The following UNC5C variants were observed in gnomAD, a reference collection of about 807,000 sequenced individuals.
UNC5C encodes unc-5 netrin receptor C, also known as netrin receptor UNC5C.
UNC5C carries 47 observed loss-of-function variants against 99.8 expected under a neutral mutation model. That is an observed-to-expected ratio of 0.47 (90% confidence interval 0.37 to 0.60). The LOEUF (loss-of-function observed/expected upper bound fraction) is 0.60, where lower values mean the gene tolerates loss of function less well. Ranked by LOEUF, UNC5C falls within the 20% of genes least tolerant of loss-of-function variation. The probability of loss-of-function intolerance (pLI) is 0.00; values close to 1 mark genes in which losing one functional copy is unlikely to be tolerated. For missense variants in UNC5C, 1,062 were observed against 1,165.9 expected (o/e 0.91, Z 1.30); for synonymous variants, 487 against 452.2 (o/e 1.08, Z -0.98).
intron 1 of UNC5C, among the ~76,000 whole-genome samples, chr4:95,511,483 T>C (rs973213700): frequency 4.6e-5 from 7 of 152,108 alleles, no homozygotes; most frequent in African/African-American, 1.7e-4. Context: ...TCCAACATAA[T>C]TAAATTACAT....
chr4:95,228,247 G>C lies in UNC5C; in HGVS notation c.1109-8071C>G, dbSNP rs114653784. ...AACAGCAACTACTTTTATTTTTCTA[G>C]CCTTTTCAAATTTTTTCTTTCCAAG... On this transcript the variant is annotated intron_variant, in intron 7 of 15. Transcript: ENST00000453304. Among the ~76,000 whole-genome samples the C allele has an allele frequency of 5.1e-3, 773 of 152,048 alleles. 10 individuals carry two copies. The highest frequency in any genetic ancestry group is 0.016 in the African/African-American group (671 of 41,462).
At chr4:95,262,432 G>A (rs12649047) in intron 4 of UNC5C, among the ~76,000 whole-genome samples, 60,566 of 152,056 alleles carry the variant, frequency 0.4, 13,920 homozygotes, top group Middle Eastern at 0.53. Context: ...CATTATAAAT[G>A]ACAGATAGAA....
At chr4:95,248,237 A>G in intron 5 of UNC5C, 1 of 246,806 alleles carries the variant, frequency 4.1e-6, no homozygotes, top group Non-Finnish European at 8.0e-6. Context: ...GGGCCTAAGA[A>G]TTAAATTGGT....
chr4:95,188,792 G>A (rs560141014), intron 12 of UNC5C, among the ~76,000 whole-genome samples: 3 of 152,230 alleles, frequency 2.0e-5, no homozygotes, highest in South Asian at 2.1e-4. Flanking sequence ...AGTGAGACAC[G>A]TTAGGCTGCC....
At chr4:95,286,778 G>C (rs368998538) in intron 3 of UNC5C, among the ~76,000 whole-genome samples, 1 of 152,092 alleles carries the variant, frequency 6.6e-6, no homozygotes, top group African/African-American at 2.4e-5. Context: ...ACTTAGCTCC[G>C]GCTGCATGGT....
Position 95,335,468 on chromosome 4 carries a change from A to G in UNC5C, c.288T>C (p.Asn96=), listed in dbSNP as rs1743298640. The change falls in exon 2 of 16, where the codon AAT becomes AAC. Residue 96 remains asparagine (N), a synonymous_variant. Transcript: ENST00000453304. ...SPATQIYFKC[N]SEWVHQKDHI... ...GGTCCTTCTGATGAACCCATTCACT[A>G]TTACACTTGAAATAGATCTGGGTGG... 1.9e-6 allele frequency: 3 copies of G among 1,612,300 alleles called. No homozygotes were observed. The South Asian group carries it at 3.3e-5, about 18-fold the overall frequency.
intron 7 of UNC5C, among the ~76,000 whole-genome samples, chr4:95,234,203 G>A (rs1363396113): frequency 1.3e-5 from 2 of 151,974 alleles, no homozygotes; most frequent in Non-Finnish European, 2.9e-5. Context: ...CATCAGTTTA[G>A]GGATGATATA....
intron 1 of UNC5C, among the ~76,000 whole-genome samples, chr4:95,439,400 T>G (rs1746885665): frequency 6.6e-6 from 1 of 151,376 alleles, no homozygotes; most frequent in African/African-American, 2.4e-5. Context: ...TTTTTTTGTT[T>G]CCTCTTCTCC....
chr4:95,386,594 G>A (rs1345767055), intron 1 of UNC5C, among the ~76,000 whole-genome samples: 2 of 152,154 alleles, frequency 1.3e-5, no homozygotes, highest in Non-Finnish European at 2.9e-5. Flanking sequence ...GAAGCCTTCT[G>A]TTCCTCTCTA....
intron 1 of UNC5C, among the ~76,000 whole-genome samples, chr4:95,392,770 A>T (rs1016545364): frequency 2.0e-5 from 3 of 152,136 alleles, no homozygotes; most frequent in Non-Finnish European, 4.4e-5. Context: ...CTATTCCACT[A>T]CAGAAATCTT....
At chr4:95,358,215 T>A (rs999440554) in intron 1 of UNC5C, among the ~76,000 whole-genome samples, 14 of 152,232 alleles carry the variant, frequency 9.2e-5, no homozygotes, top group Non-Finnish European at 1.6e-4. Flanking sequence ...ATTAATGCAG[T>A]TTCTACCTTT....
At chr4:95,337,678 G>T (rs1743402461) in intron 1 of UNC5C, among the ~76,000 whole-genome samples, 1 of 151,888 alleles carries the variant, frequency 6.6e-6, no homozygotes, top group Admixed American at 6.6e-5. Context: ...AAGACAACAT[G>T]ATCACCACAA....
intron 14 of UNC5C, among the ~76,000 whole-genome samples, chr4:95,172,840 A>G (rs1415277863): frequency 6.6e-6 from 1 of 152,060 alleles, no homozygotes. Flanking sequence ...CAGTATGGCC[A>G]TTTTCACGAT....
chr4:95,521,896 T>C (rs1464007556), intron 1 of UNC5C, among the ~76,000 whole-genome samples: 4 of 152,190 alleles, frequency 2.6e-5, no homozygotes, highest in Non-Finnish European at 5.9e-5. Context: ...ATCATTCAAT[T>C]TGGTCTTGGC....
intron 1 of UNC5C, among the ~76,000 whole-genome samples, chr4:95,384,114 C>T (rs1458679394): frequency 6.6e-6 from 1 of 152,170 alleles, no homozygotes; most frequent in African/African-American, 2.4e-5. Context: ...AACTAGGATG[C>T]TATGTTCCAA....
intron 4 of UNC5C, among the ~76,000 whole-genome samples, chr4:95,277,534 T>C (rs1256341007): frequency 6.6e-6 from 1 of 152,218 alleles, no homozygotes; most frequent in East Asian, 1.9e-4. Context: ...AACAGTGTGA[T>C]CTAAGATGAT....
intron 1 of UNC5C, among the ~76,000 whole-genome samples, chr4:95,427,839 T>A (rs1036231458): frequency 7.9e-5 from 12 of 152,166 alleles, no homozygotes; most frequent in African/African-American, 2.9e-4. Flanking sequence ...CTGCAGTTTT[T>A]ATGGTTTCTT....
At chr4:95,214,870 C>T (rs377731212) in intron 10 of UNC5C, among the ~76,000 whole-genome samples, 1 of 152,188 alleles carries the variant, frequency 6.6e-6, no homozygotes, top group African/African-American at 2.4e-5. Context: ...AAGAAGGGAG[C>T]TTTGAGGGCC....
chr4:95,449,143 G>A (rs1229653383), intron 1 of UNC5C, among the ~76,000 whole-genome samples: 2 of 152,156 alleles, frequency 1.3e-5, no homozygotes, highest in Non-Finnish European at 2.9e-5. Context: ...AGGACCCAGA[G>A]GGAACATCCA....
Sources: allele counts gnomAD v4.1 joint callset (sites outside exome capture counted in the v4.1 genomes callset), GRCh38; gene constraint gnomAD v4.1.1; transcripts MANE v1.5; gene names NCBI Gene and HGNC (gene_info 2026-07-23, HGNC 2026-07-21).